The following PCLO variants were observed in gnomAD, a reference collection of about 807,000 sequenced individuals.
PCLO encodes protein piccolo.
A neutral mutation model predicts 427.5 loss-of-function variants in PCLO; 82 were observed. That is an observed-to-expected ratio of 0.19 (90% confidence interval 0.16 to 0.23). The LOEUF (loss-of-function observed/expected upper bound fraction) is 0.23. Ranked by LOEUF, PCLO falls within the 10% of genes least tolerant of loss-of-function variation. The pLI, the probability that PCLO is intolerant of heterozygous loss-of-function variation, is 1.00. For synonymous variants in PCLO, 2,357 were observed against 2,155.4 expected (o/e 1.09, Z -2.59); for missense variants, 6,239 against 6,115.9 (o/e 1.02, Z -0.67).
chr7:82,827,687 A>AT (rs2115685191), intron 17 of PCLO, among the ~76,000 whole-genome samples, 186 bp downstream of exon 17: 1 of 152,104 alleles, frequency 6.6e-6, no homozygotes, highest in East Asian at 1.9e-4. Context: ...AAATGTGCAC[A>AT]TTTACTTTCA....
At chr7:83,025,499 G>A (rs891030653) in intron 3 of PCLO, among the ~76,000 whole-genome samples, 1 of 151,838 alleles carries the variant, frequency 6.6e-6, no homozygotes, top group African/African-American at 2.4e-5. Flanking sequence ...GAAAGTGATG[G>A]GGAGAATGGA....
At chr7:82,839,715 C>G (rs986212983) in intron 14 of PCLO, among the ~76,000 whole-genome samples, 4 of 151,972 alleles carry the variant, frequency 2.6e-5, no homozygotes, top group African/African-American at 9.7e-5. Flanking sequence ...TTGCAGGCCA[C>G]CCGAAGAGAG....
intron 3 of PCLO, among the ~76,000 whole-genome samples, chr7:83,012,621 G>GAAA (rs537818971): frequency 9.0e-5 from 6 of 66,738 alleles, no homozygotes; most frequent in Non-Finnish European, 1.4e-4. Context: ...CTGTCTCAAG[G>GAAA]AAAAAAAAAA....
At chr7:82,778,492 T>C (rs886317770) in intron 22 of PCLO, among the ~76,000 whole-genome samples, 21 of 152,212 alleles carry the variant, frequency 1.4e-4, no homozygotes, top group African/African-American at 4.8e-4. Context: ...TGTTTTCTTT[T>C]GTTTGTGGCA....
chr7:82,860,964 T>C (rs1792939808), intron 10 of PCLO, among the ~76,000 whole-genome samples: 2 of 151,826 alleles, frequency 1.3e-5, no homozygotes, highest in South Asian at 4.1e-4. Flanking sequence ...GCATATGATA[T>C]ATACGCAAAA....
At chr7:83,092,516 G>A (rs6968252) in intron 3 of PCLO, among the ~76,000 whole-genome samples, 66,804 of 151,746 alleles carry the variant, frequency 0.44, 15,090 homozygotes, top group East Asian at 0.7. Flanking sequence ...CAAATCTACC[G>A]TCAGAATCAA....
chr7:82,803,394 G>A, intron 21 of PCLO, among the ~76,000 whole-genome samples: 1 of 152,016 alleles, frequency 6.6e-6, no homozygotes, highest in East Asian at 1.9e-4. Flanking sequence ...AGTAATTGTA[G>A]TACAAGTACA....
intron 22 of PCLO, among the ~76,000 whole-genome samples, chr7:82,794,283 A>C (rs778761241): frequency 2.6e-5 from 4 of 151,722 alleles, no homozygotes; most frequent in African/African-American, 9.7e-5. Flanking sequence ...TGTATTTTGA[A>C]TAACGTTTCT....
At chr7:83,046,640 A>G (rs1341869362) in intron 3 of PCLO, among the ~76,000 whole-genome samples, 1 of 152,028 alleles carries the variant, frequency 6.6e-6, no homozygotes, top group African/African-American at 2.4e-5. Context: ...GAATACATAC[A>G]TATCTTGTGA....
At chr7:83,057,800 G>A (rs928535804) in intron 3 of PCLO, among the ~76,000 whole-genome samples, 1 of 151,918 alleles carries the variant, frequency 6.6e-6, no homozygotes, top group African/African-American at 2.4e-5. Flanking sequence ...CTTACATTTT[G>A]CATATTTTAT....
At chr7:82,922,210 C>T (rs1265547056) in intron 6 of PCLO, among the ~76,000 whole-genome samples, 1 of 151,800 alleles carries the variant, frequency 6.6e-6, no homozygotes, top group Non-Finnish European at 1.5e-5. Context: ...AAAACCCTAC[C>T]ATTTGACCCA....
chr7:82,914,016 C>T (rs770255336), intron 7 of PCLO, among the ~76,000 whole-genome samples: 16 of 151,928 alleles, frequency 1.1e-4, no homozygotes, highest in Non-Finnish European at 1.9e-4. Flanking sequence ...ATTTTCATGT[C>T]TTATTTAGTA....
At chr7:83,112,064 G>A (rs1791018130) in intron 3 of PCLO, among the ~76,000 whole-genome samples, 1 of 151,814 alleles carries the variant, frequency 6.6e-6, no homozygotes, top group Admixed American at 6.6e-5. Flanking sequence ...TTTTTTGTTT[G>A]TTTTGTTTTT....
chr7:82,949,276 A>C (rs1795273821), intron 6 of PCLO, among the ~76,000 whole-genome samples, 200 bp downstream of exon 6: 1 of 148,502 alleles, frequency 6.7e-6, no homozygotes, highest in African/African-American at 2.6e-5. Context: ...CACACACACA[A>C]GCGCACACAC....
intron 3 of PCLO, among the ~76,000 whole-genome samples, chr7:83,116,492 AT>A (rs1268257531): frequency 3.9e-5 from 6 of 152,034 alleles, no homozygotes; most frequent in African/African-American, 1.2e-4. Context: ...CTCTTTTTAA[AT>A]TTTTTTACTG....
At chr7:82,790,489 A>G (rs2129468386) in intron 22 of PCLO, among the ~76,000 whole-genome samples, 1 of 152,282 alleles carries the variant, frequency 6.6e-6, no homozygotes, top group East Asian at 1.9e-4. Flanking sequence ...CATTCCTTCT[A>G]CTATGAATAC....
chr7:83,073,750 A>G (rs933811547), intron 3 of PCLO, among the ~76,000 whole-genome samples: 4 of 151,750 alleles, frequency 2.6e-5, no homozygotes, highest in Non-Finnish European at 5.9e-5. Flanking sequence ...AATTTTTAAT[A>G]AAACTAAAGC....
At chr7:82,805,641 T>A (rs929111621) in intron 21 of PCLO, 47 bp downstream of exon 21, 4 of 1,583,248 alleles carry the variant, frequency 2.5e-6, no homozygotes, top group East Asian at 4.5e-5. Context: ...AATGCCTTAC[T>A]CATGATGCTG....
At chr7:83,063,140 A>G (rs940157477) in intron 3 of PCLO, among the ~76,000 whole-genome samples, 1 of 152,070 alleles carries the variant, frequency 6.6e-6, no homozygotes, top group African/African-American at 2.4e-5. Context: ...ATTACCAAGG[A>G]AGCTTTCTTG....
Sources: gnomAD v4.1 joint callset for allele counts (sites outside exome capture counted in the v4.1 genomes callset) on GRCh38, gnomAD v4.1.1 for gene constraint, MANE v1.5 for transcripts, NCBI Gene and HGNC (gene_info 2026-07-23, HGNC 2026-07-21) for gene names.